Variants in UBE2R2 observed in about 807,000 individuals in gnomAD.
UBE2R2 encodes ubiquitin-conjugating enzyme E2 R2.
A neutral mutation model predicts 27.8 loss-of-function variants in UBE2R2; 1 was observed. The ratio of observed to expected loss-of-function variants is 0.04; its 90% CI spans 0.01 to 0.17. UBE2R2 has a LOEUF of 0.17. Ranked by LOEUF, UBE2R2 falls within the 10% of genes least tolerant of loss-of-function variation. The probability of loss-of-function intolerance (pLI) is 1.00; values close to 1 mark genes in which losing one functional copy is unlikely to be tolerated. For missense variants in UBE2R2, 100 were observed against 291.0 expected, an observed-to-expected ratio of 0.34 and a Z score of 4.78; for synonymous variants, 106 against 113.3, an observed-to-expected ratio of 0.94 and a Z score of 0.41.
chr9:33,873,227 T>G (rs183568957), intron 1 of UBE2R2, among the ~76,000 whole-genome samples: 2 of 149,978 alleles, frequency 1.3e-5, no homozygotes, highest in East Asian at 4.0e-4. Flanking sequence ...TACTTTAACT[T>G]AATTAAATGG....
At chr9:33,896,257 T>C (rs1320716239) in intron 2 of UBE2R2, among the ~76,000 whole-genome samples, 1 of 151,908 alleles carries the variant, frequency 6.6e-6, no homozygotes, top group Non-Finnish European at 1.5e-5. Context: ...ATAAAGATGC[T>C]TTTCTCCCCT....
intron 1 of UBE2R2, among the ~76,000 whole-genome samples, chr9:33,838,566 G>T (rs992439349): frequency 6.6e-6 from 1 of 151,902 alleles, no homozygotes; most frequent in Admixed American, 6.6e-5. Flanking sequence ...TCTTGGCTGG[G>T]CATGGTGGCT....
intron 1 of UBE2R2, among the ~76,000 whole-genome samples, chr9:33,826,026 C>G (rs904131900): frequency 1.3e-5 from 2 of 151,972 alleles, no homozygotes; most frequent in Non-Finnish European, 2.9e-5. Flanking sequence ...GCCTGTAGTC[C>G]CAGCTACTTG....
chr9:33,861,913 G>C (rs1242514147), intron 1 of UBE2R2, among the ~76,000 whole-genome samples: 3 of 147,318 alleles, frequency 2.0e-5, no homozygotes, highest in Non-Finnish European at 4.5e-5. Flanking sequence ...GAGTGCAGTG[G>C]CACGATCTTG....
intron 1 of UBE2R2, among the ~76,000 whole-genome samples, chr9:33,846,908 T>A (rs1820857759): frequency 6.6e-6 from 1 of 152,170 alleles, no homozygotes; most frequent in African/African-American, 2.4e-5. Flanking sequence ...TTCCTTCAGC[T>A]TAGTGAACTT....
At chr9:33,912,963 T>TA (rs1297147176) in intron 4 of UBE2R2, among the ~76,000 whole-genome samples, 11 of 150,466 alleles carry the variant, frequency 7.3e-5, no homozygotes, top group Non-Finnish European at 1.3e-4. Context: ...TTCTAATTAA[T>TA]TTTTTTTTTC....
intron 2 of UBE2R2, among the ~76,000 whole-genome samples, chr9:33,896,382 A>T (rs985871385): frequency 1.3e-5 from 2 of 152,196 alleles, no homozygotes; most frequent in African/African-American, 4.8e-5. Flanking sequence ...TCCCGATCTT[A>T]GGAGTAAAGC....
In UBE2R2 at chr9:33,917,792, GTTTCT is replaced by G. The variant is rs1822689500; in HGVS notation, c.*558_*562del. ...GTTCAGCCCCATGGTGGTGAATTCT[GTTTCT>G]TTCCTTTCCTAAGGCTGGGACATGG... is the stretch of plus-strand genomic sequence containing the variant. On this transcript the variant is annotated 3_prime_UTR_variant, in exon 5 of 5. Transcript: ENST00000263228. 1 of 155,212 alleles carries G rather than the reference GTTTCT, an allele frequency of 6.4e-6. No individual in the cohort carries two copies. Among genetic ancestry groups the G allele is most frequent in the Non-Finnish European group, 1.4e-5 (1 of 69,360 alleles). The allele number at this position is 155,212 out of a possible 1,614,324, so 9.6% of individuals were successfully genotyped here.
At chr9:33,816,028 C>T (rs752184669), upstream of UBE2R2, among the ~76,000 whole-genome samples, 1 of 151,992 alleles carries the variant, frequency 6.6e-6, no homozygotes, top group South Asian at 2.1e-4. Flanking sequence ...GGGCCATGAT[C>T]GCGCCACTGT....
At chr9:33,869,278 A>G (rs942765109) in intron 1 of UBE2R2, among the ~76,000 whole-genome samples, 7 of 150,600 alleles carry the variant, frequency 4.6e-5, no homozygotes, top group Non-Finnish European at 1.0e-4. Context: ...AAACAAAAAC[A>G]TGTAATTTTT....
intron 1 of UBE2R2, among the ~76,000 whole-genome samples, chr9:33,843,881 C>T (rs997893037): frequency 6.6e-6 from 1 of 152,098 alleles, no homozygotes. Flanking sequence ...TGGGTTTTAC[C>T]ACTGCATAAG....
Position 33,917,588 on chromosome 9 carries a change from AAT to A in UBE2R2, c.*353_*354del, listed in dbSNP as rs1822680220. On this transcript the variant is annotated 3_prime_UTR_variant, in exon 5 of 5. Transcript: ENST00000263228. ...CTGTTTTTAGATTCTTGAAGAATTC[AAT>A]AGTCTTTCAAGATGTTTAATGTGTT... is the stretch of plus-strand genomic sequence containing the variant. 6.6e-6 allele frequency: 3 copies of A among 453,980 alleles called. No homozygotes were observed. The highest frequency in any genetic ancestry group is 2.0e-5 in the African/African-American group (1 of 49,732). 28.1% of individuals were successfully genotyped at this position (453,980 alleles called of 1,614,324 possible). A position where few individuals can be genotyped will look rare whatever the true frequency, so the allele number is the denominator to read the frequency against.
intron 1 of UBE2R2, among the ~76,000 whole-genome samples, chr9:33,849,647 T>TTC (rs1820920642): frequency 1.4e-5 from 2 of 148,096 alleles, no homozygotes; most frequent in Non-Finnish European, 3.0e-5. Flanking sequence ...AGCTCAGGAG[T>TTC]TCAAGACCAG....
At chr9:33,913,923 GTAGAAA>G (rs1285466356) in intron 4 of UBE2R2, among the ~76,000 whole-genome samples, 7 of 152,176 alleles carry the variant, frequency 4.6e-5, no homozygotes, top group Admixed American at 3.3e-4. Flanking sequence ...AAGATAATTA[GTAGAAA>G]TATTAAGATC....
intron 1 of UBE2R2, among the ~76,000 whole-genome samples, chr9:33,882,646 T>TC (rs1821754856): frequency 6.6e-6 from 1 of 152,168 alleles, no homozygotes; most frequent in South Asian, 2.1e-4. Context: ...CAGCCTTTTT[T>TC]CCCCCTAATC....
intron 1 of UBE2R2, among the ~76,000 whole-genome samples, chr9:33,836,257 C>T (rs547239489): frequency 6.6e-6 from 1 of 152,140 alleles, no homozygotes; most frequent in Non-Finnish European, 1.5e-5. Flanking sequence ...GAGCAATAGG[C>T]TATACCATAT....
chr9:33,847,105 T>C (rs1820864075), intron 1 of UBE2R2, among the ~76,000 whole-genome samples: 1 of 151,958 alleles, frequency 6.6e-6, no homozygotes, highest in Admixed American at 6.6e-5. Flanking sequence ...TCTGGCTTTA[T>C]TTATTTATTT....
At chr9:33,829,835 G>A (rs1365526710) in intron 1 of UBE2R2, among the ~76,000 whole-genome samples, 2 of 117,436 alleles carry the variant, frequency 1.7e-5, no homozygotes, top group African/African-American at 6.6e-5. Flanking sequence ...CGCTCTAGTT[G>A]CCCAGACTGG....
At chr9:33,827,806 A>C (rs192296855) in intron 1 of UBE2R2, among the ~76,000 whole-genome samples, 167 of 151,680 alleles carry the variant, frequency 1.1e-3, no homozygotes, top group African/African-American at 2.9e-3. Context: ...CCCCGTCTCT[A>C]CTAAAAATAC....
Sources: gnomAD v4.1 joint callset for allele counts (sites outside exome capture counted in the v4.1 genomes callset) on GRCh38, gnomAD v4.1.1 for gene constraint, MANE v1.5 for transcripts, NCBI Gene and HGNC (gene_info 2026-07-23, HGNC 2026-07-21) for gene names.